Variants in SND1 observed in about 807,000 individuals in gnomAD.
The protein encoded by SND1 is staphylococcal nuclease domain-containing protein 1.
Under a neutral mutation model 121.7 loss-of-function variants are expected in SND1, and 38 were observed. The ratio of observed to expected loss-of-function variants is 0.31; its 90% confidence interval spans 0.24 to 0.41. The LOEUF (loss-of-function observed/expected upper bound fraction) is 0.41. Among genes scored for constraint, SND1 ranks in the 10% least tolerant of loss-of-function variants. The probability of loss-of-function intolerance (pLI) is 1.00; values close to 1 mark genes in which losing one functional copy is unlikely to be tolerated. For missense variants in SND1, 868 were observed against 1,184.6 expected (o/e 0.73, Z 3.92); for synonymous variants, 401 against 447.4 (o/e 0.90, Z 1.31).
chr7:127,884,039 T>G (rs979231149), intron 12 of SND1, among the ~76,000 whole-genome samples: 1 of 152,184 alleles, frequency 6.6e-6, no homozygotes, highest in Non-Finnish European at 1.5e-5. Flanking sequence ...ACTCCCAAGT[T>G]ATTTATTTGT....
At chr7:128,038,206 CAA>C (rs1046321887) in intron 16 of SND1, among the ~76,000 whole-genome samples, 3 of 152,180 alleles carry the variant, frequency 2.0e-5, no homozygotes, top group African/African-American at 7.2e-5. Context: ...AAACCCAAAA[CAA>C]TATTTTTTCC....
chr7:127,731,991 C>T (rs559900792), intron 10 of SND1, among the ~76,000 whole-genome samples: 8 of 152,320 alleles, frequency 5.3e-5, no homozygotes, highest in Admixed American at 5.2e-4. Flanking sequence ...TTGAATGTCT[C>T]TCTCTTGTCT....
intron 10 of SND1, among the ~76,000 whole-genome samples, chr7:127,770,300 C>G (rs1224585368): frequency 6.6e-6 from 1 of 152,012 alleles, no homozygotes; most frequent in Non-Finnish European, 1.5e-5. Flanking sequence ...CAAATAAATA[C>G]AATGTTTTGT....
At chr7:128,028,769 C>A (rs900183382) in intron 16 of SND1, 3 of 1,614,060 alleles carry the variant, frequency 1.9e-6, no homozygotes, top group Non-Finnish European at 2.5e-6. Context: ...GCAGAGAGTT[C>A]CCCAGGCTGT....
intron 12 of SND1, among the ~76,000 whole-genome samples, chr7:127,877,819 G>T (rs1799718806): frequency 6.6e-6 from 1 of 152,114 alleles, no homozygotes; most frequent in Non-Finnish European, 1.5e-5. Context: ...TCAGTGAGAT[G>T]TGGCCTCTGA....
At chr7:127,670,971 A>C (rs1031890245) in intron 1 of SND1, among the ~76,000 whole-genome samples, 1 of 152,220 alleles carries the variant, frequency 6.6e-6, no homozygotes, top group Non-Finnish European at 1.5e-5. Flanking sequence ...GAAAGCGTCT[A>C]CCATTTTATT....
At chr7:127,834,479 A>T (rs1004264854) in intron 11 of SND1, among the ~76,000 whole-genome samples, 2 of 152,168 alleles carry the variant, frequency 1.3e-5, no homozygotes, top group Non-Finnish European at 2.9e-5. Context: ...TTGAAGGGAG[A>T]CGCAGATACA....
chr7:127,924,809 A>G (rs555507724), intron 14 of SND1, among the ~76,000 whole-genome samples: 1 of 152,326 alleles, frequency 6.6e-6, no homozygotes, highest in African/African-American at 2.4e-5. Context: ...TTATAGAGAT[A>G]AGTTCCAATC....
rs540490934 is a variant in SND1, at chr7:128,085,914, T to G, written c.2304+134T>G. The G allele has an allele frequency of 6.7e-5, 52 of 781,028 alleles. 1 individual carries two copies. In the South Asian group the frequency reaches 8.5e-4, roughly 13 times the overall value. The allele number at this position is 781,028 out of a possible 1,614,324, so 48.4% of individuals were successfully genotyped here. On this transcript the variant is annotated intron_variant, in intron 20 of 23. Transcript: ENST00000354725. This position sits in a 1 kb window ranked among gnomAD's most constrained non-coding sequence, Gnocchi z 4.4. The stretch of plus-strand genomic sequence containing the variant: ...AGCATTGGGGCATCTCTGCTGTGCG[T>G]GTAACAGGCCAGGCCCCCTCAGTGA...
chr7:127,953,241 C>A (rs2116858261), intron 15 of SND1, among the ~76,000 whole-genome samples: 6 of 136,164 alleles, frequency 4.4e-5, no homozygotes, highest in African/African-American at 8.1e-5. Flanking sequence ...AAGAAGAAAG[C>A]ATCTGTAATA....
At chr7:127,870,882 G>T (rs1450544759) in intron 12 of SND1, among the ~76,000 whole-genome samples, 1 of 152,066 alleles carries the variant, frequency 6.6e-6, no homozygotes, top group Non-Finnish European at 1.5e-5. Flanking sequence ...TTTTTTAAAA[G>T]AAACTTTGAC....
chr7:127,697,053 CT>C (rs773263766), intron 3 of SND1, among the ~76,000 whole-genome samples: 8 of 152,160 alleles, frequency 5.3e-5, no homozygotes, highest in South Asian at 2.1e-4. Context: ...TTGCTACCCA[CT>C]TTTTTTTATG....
intron 16 of SND1, among the ~76,000 whole-genome samples, chr7:128,012,868 A>G (rs1353463594): frequency 6.6e-6 from 1 of 152,072 alleles, no homozygotes; most frequent in African/African-American, 2.4e-5. Context: ...ATGTTTTGCT[A>G]AGCAATACCG....
chr7:127,924,619 C>G (rs2116808976), intron 14 of SND1, among the ~76,000 whole-genome samples: 1 of 152,244 alleles, frequency 6.6e-6, no homozygotes, highest in East Asian at 1.9e-4. Context: ...CTCTAGGAAG[C>G]AGGTGACCTG....
At chr7:127,786,625 G>A (rs1207213755) in intron 10 of SND1, among the ~76,000 whole-genome samples, 2 of 151,700 alleles carry the variant, frequency 1.3e-5, no homozygotes, top group Non-Finnish European at 2.9e-5. Context: ...TTTTTGTTTT[G>A]TTTTGTTTTG....
intron 16 of SND1, among the ~76,000 whole-genome samples, chr7:128,023,652 T>G (rs1398122063): frequency 6.6e-6 from 1 of 152,214 alleles, no homozygotes; most frequent in African/African-American, 2.4e-5. Context: ...GGCTTATAGA[T>G]ACTATTGTCT....
At chr7:127,764,038 CAAA>C (rs60053474) in intron 10 of SND1, among the ~76,000 whole-genome samples, 1 of 76,492 alleles carries the variant, frequency 1.3e-5, no homozygotes, top group Non-Finnish European at 2.9e-5. Flanking sequence ...GACCCTGTCG[CAAA>C]AAAAAAAAAA....
intron 15 of SND1, among the ~76,000 whole-genome samples, chr7:127,962,893 T>G (rs969711371): frequency 3.3e-5 from 5 of 152,182 alleles, no homozygotes; most frequent in African/African-American, 7.2e-5. Flanking sequence ...AAATGACACC[T>G]CTCTGAGCCA....
intron 12 of SND1, chr7:127,858,203 T>A (rs1160863542): frequency 6.4e-6 from 5 of 784,214 alleles, no homozygotes; most frequent in Non-Finnish European, 1.2e-5. Context: ...CATGGCCAAC[T>A]GTTCCCTCGT....
Sources: gnomAD v4.1 joint callset for allele counts (sites outside exome capture counted in the v4.1 genomes callset) on GRCh38, gnomAD v4.1.1 for gene constraint, Gnocchi (gnomAD v3.1) non-coding constraint, MANE v1.5 for transcripts, NCBI Gene and HGNC (gene_info 2026-07-23, HGNC 2026-07-21) for gene names.